ELAPOR1: variants seen among roughly 807,000 people sequenced by gnomAD.
ELAPOR1 encodes the protein endosome/lysosome-associated apoptosis and autophagy regulator 1.
Under a neutral mutation model 119.7 loss-of-function variants are expected in ELAPOR1, and 77 were observed. The ratio of observed to expected loss-of-function variants is 0.64; its 90% CI spans 0.54 to 0.78. The LOEUF is 0.78. Ranked by LOEUF, ELAPOR1 falls within the 30% of genes least tolerant of loss-of-function variation. The pLI, the probability that ELAPOR1 is intolerant of heterozygous loss-of-function variation, is 0.00. For missense variants in ELAPOR1, 1,115 were observed against 1,270.4 expected (o/e 0.88, Z 1.86); for synonymous variants, 481 against 487.2 (o/e 0.99, Z 0.17).
At chr1:109,172,423 T>A in intron 4 of ELAPOR1, 65 bp from the exon 5 acceptor site, 2 of 1,221,800 alleles carry the variant, frequency 1.6e-6, no homozygotes. Flanking sequence ...GCTGGTGCAA[T>A]GTGGGGAAAG....
At chr1:109,202,472 G>A (rs375961918) in intron 21 of ELAPOR1, among the ~76,000 whole-genome samples, 18 of 141,744 alleles carry the variant, frequency 1.3e-4, no homozygotes, top group East Asian at 6.6e-4. Context: ...ACAGAGTTTC[G>A]CTCTTGTTGC....
chr1:109,197,449 T>G, intron 15 of ELAPOR1, 25 bp from the exon 16 acceptor site: 1 of 1,607,466 alleles, frequency 6.2e-7, no homozygotes, highest in East Asian at 2.2e-5. Flanking sequence ...TTCTTCCTAC[T>G]TCTTCCTCCC....
chr1:109,193,632 A>G (rs1276737181), intron 14 of ELAPOR1, among the ~76,000 whole-genome samples: 1 of 152,254 alleles, frequency 6.6e-6, no homozygotes, highest in Non-Finnish European at 1.5e-5. Context: ...ACTTATGACT[A>G]AAAGCTTTTA....
intron 1 of ELAPOR1, among the ~76,000 whole-genome samples, chr1:109,121,207 C>T (rs890820330): frequency 2.0e-5 from 3 of 152,028 alleles, no homozygotes; most frequent in African/African-American, 7.3e-5. Context: ...AGTCCAGTGG[C>T]GTGATCTCGG....
intron 1 of ELAPOR1, among the ~76,000 whole-genome samples, chr1:109,140,852 A>T (rs1207246151): frequency 6.6e-6 from 1 of 152,082 alleles, no homozygotes; most frequent in Admixed American, 6.6e-5. Flanking sequence ...ATTTTATTTT[A>T]TTTATTTATT....
In ELAPOR1 at chr1:109,117,324, A is replaced by G. The variant is rs537399552; in HGVS notation, c.153+2988A>G. 3.3e-5 allele frequency among the ~76,000 whole-genome samples: 5 copies of G among 152,364 alleles called. No individual in the cohort carries two copies. The South Asian group carries it at 1.0e-3, about 32-fold the overall frequency. On this transcript the variant is annotated intron_variant, in intron 1 of 21. Coordinates refer to ENST00000369939, the MANE Select transcript of ELAPOR1 (RefSeq NM_020775.5). ...ATGAATCGTTTCTTTAGCCAAGGCT[A>G]AGTGCTGACTGCGAGCCAAAGGAGC...
Position 109,161,946 on chromosome 1 carries a change from G to C in ELAPOR1, c.206G>C (p.Arg69Thr). 1 of 1,614,066 alleles carries C rather than the reference G, an allele frequency of 6.2e-7. No individual in the cohort carries two copies. The highest frequency in any genetic ancestry group is 8.5e-7 in the Non-Finnish European group (1 of 1,179,932). Residue 69 changes from arginine to threonine, a missense_variant, in exon 2 of 22, where the codon AGG (arginine) becomes ACG (threonine). Transcript: ENST00000369939. ...TGTGACAGCACGGGTTCCAGGTGGA[G>C]GGTCGCCGTGCCGCATACCCCGGGC... ...TACDSTGSRW[R>T]VAVPHTPGLC...
intron 1 of ELAPOR1, among the ~76,000 whole-genome samples, chr1:109,125,087 C>A (rs948696869): frequency 2.0e-5 from 3 of 152,080 alleles, no homozygotes; most frequent in South Asian, 2.1e-4. Context: ...CACCAACATG[C>A]CTGGCTAATT....
At chr1:109,130,994 A>T (rs1558020199) in intron 1 of ELAPOR1, among the ~76,000 whole-genome samples, 2 of 152,160 alleles carry the variant, frequency 1.3e-5, no homozygotes, top group African/African-American at 2.4e-5. Context: ...CCAAATACTT[A>T]CTATCTCACA....
intron 1 of ELAPOR1, among the ~76,000 whole-genome samples, chr1:109,137,862 A>G (rs1029219060): frequency 6.6e-6 from 1 of 152,210 alleles, no homozygotes; most frequent in Non-Finnish European, 1.5e-5. Flanking sequence ...TAACCCACAT[A>G]GTAATCAATC....
chr1:109,171,935 C>T lies in ELAPOR1; in HGVS notation c.537C>T (p.Tyr179=), dbSNP rs746205721. ...ACGAATGCACAGCCACACTGATGTA[C>T]GCCGTCAACCTGAAGCAATCTGGCA... ...NTDECTATLM[Y]AVNLKQSGTV... Residue 179 remains tyrosine (Y), a synonymous_variant, in exon 4 of 22, where the codon TAC becomes TAT. Transcript: ENST00000369939. 1.2e-5 allele frequency: 19 copies of T among 1,614,040 alleles called. No individual in the cohort carries two copies. The highest frequency in any genetic ancestry group is 4.5e-5 in the East Asian group (2 of 44,896).
chr1:109,142,907 A>G (rs923358026), intron 1 of ELAPOR1, among the ~76,000 whole-genome samples: 11 of 152,220 alleles, frequency 7.2e-5, no homozygotes, highest in African/African-American at 2.7e-4. Flanking sequence ...CCAAATGTCC[A>G]TCAACTGATG....
chr1:109,181,874 T>A (rs61799386), intron 7 of ELAPOR1, among the ~76,000 whole-genome samples: 14,158 of 152,230 alleles, frequency 0.093, 968 homozygotes, highest in Middle Eastern at 0.18. Flanking sequence ...GAGAGAACTT[T>A]CCAGCTCAGG....
intron 14 of ELAPOR1, among the ~76,000 whole-genome samples, chr1:109,193,945 C>T (rs975656505): frequency 1.3e-5 from 2 of 152,184 alleles, no homozygotes; most frequent in African/African-American, 2.4e-5. Flanking sequence ...AAGCCCCTTT[C>T]GGAGTTCAGT....
intron 15 of ELAPOR1, among the ~76,000 whole-genome samples, chr1:109,197,230 T>C (rs1346898561): frequency 6.6e-6 from 1 of 152,042 alleles, no homozygotes; most frequent in Non-Finnish European, 1.5e-5. Flanking sequence ...AAGGCTTTAG[T>C]GAGCTATGAT....
chr1:109,187,325 G>A (rs900181470), intron 8 of ELAPOR1: 21 of 985,386 alleles, frequency 2.1e-5, no homozygotes, highest in African/African-American at 5.2e-5. Context: ...GCAGCCCTCC[G>A]CAGGGAAGAG....
chr1:109,177,021 G>A (rs1422413112), intron 7 of ELAPOR1, among the ~76,000 whole-genome samples: 11 of 137,616 alleles, frequency 8.0e-5, no homozygotes, highest in African/African-American at 2.4e-4. Context: ...ACACAGACAT[G>A]GCAACCATCC....
In ELAPOR1 at chr1:109,177,269, T is replaced by TG. The variant is rs1416168764; in HGVS notation, c.952+3433dup. On this transcript the variant is annotated intron_variant, in intron 7 of 21. Transcript: ENST00000369939. Reference sequence around the variant, plus strand: ...CCACCTCCCTCCCGGACGGGGCGGCTGCCGGGCAGAGACGCTCCTCACTTC... The same window carrying TG: ...CCACCTCCCTCCCGGACGGGGCGGCTGGCCGGGCAGAGACGCTCCTCACTTC... 2.5e-4 allele frequency among the ~76,000 whole-genome samples: 33 copies of TG among 132,418 alleles called. No individual in the cohort carries two copies. The South Asian group carries it at 2.9e-3, about 12-fold the overall frequency. 86.9% of individuals were successfully genotyped at this position (132,418 alleles called of 152,430 possible).
At chr1:109,149,544 G>T (rs1448912767) in intron 1 of ELAPOR1, among the ~76,000 whole-genome samples, 1 of 152,090 alleles carries the variant, frequency 6.6e-6, no homozygotes, top group South Asian at 2.1e-4. Context: ...CCCAGCACCC[G>T]CACAGCTCCC....
Sources: allele counts gnomAD v4.1 joint callset (sites outside exome capture counted in the v4.1 genomes callset), GRCh38; gene constraint gnomAD v4.1.1; transcripts MANE v1.5; gene names NCBI Gene and HGNC (gene_info 2026-07-23, HGNC 2026-07-21).